The following CSE1L variants were observed in gnomAD, a reference collection of about 807,000 sequenced individuals.
CSE1L encodes the protein chromosome segregation 1 like, also known as exportin-2.
A neutral mutation model predicts 120.4 loss-of-function variants in CSE1L; 24 were observed. The ratio of observed to expected loss-of-function variants is 0.20; its 90% CI spans 0.14 to 0.28. The LOEUF is 0.28. Among genes scored for constraint, CSE1L ranks in the 10% least tolerant of loss-of-function variants. The probability of loss-of-function intolerance (pLI) is 1.00; values close to 1 mark genes in which losing one functional copy is unlikely to be tolerated. For synonymous variants in CSE1L, 402 were observed against 398.3 expected (o/e 1.01, Z -0.11); for missense variants, 830 against 1,145.2 (o/e 0.72, Z 3.97).
intron 2 of CSE1L, among the ~76,000 whole-genome samples, chr20:49,060,726 A>G (rs2091845919): frequency 6.6e-6 from 1 of 152,004 alleles, no homozygotes; most frequent in East Asian, 1.9e-4. Context: ...CAGTGAGCCA[A>G]GATTGCCCAA....
rs771282629 is a variant in CSE1L at position 49,084,130 on chromosome 20, C to T, written c.1587C>T (p.Leu529=). ...HTYAAHALER[L]FTMRGPNNAT... is the part of the protein sequence containing the mutation. ...ACGCAGCTCATGCTCTTGAACGGCT[C>T]TTTACTATGCGAGGGCCTAACAATG... is the stretch of plus-strand genomic sequence containing the variant. Residue 529 remains leucine, a synonymous_variant, in exon 15 of 25, where the codon CTC becomes CTT. Transcript: ENST00000262982. The T allele has an allele frequency of 1.2e-6, 2 of 1,614,040 alleles. No individual in the cohort carries two copies. The highest frequency in any genetic ancestry group is 1.1e-5 in the South Asian group (1 of 91,076).
Position 49,065,313 on chromosome 20 carries a change from ATTTTTTTTTTTTT to A in CSE1L, c.229-864_229-852del, listed in dbSNP as rs376073464. Reference sequence around the variant, plus strand: ...AGTTTACATATGAAATGAAAAAAAAATTTTTTTTTTTTTTTTTTTTTTTTTTTGAGAGGGAGTC... The same window carrying A: ...AGTTTACATATGAAATGAAAAAAAAATTTTTTTTTTTTTTGAGAGGGAGTC... On this transcript the variant is annotated intron_variant, in intron 3 of 24. Coordinates refer to ENST00000262982, the MANE Select transcript of CSE1L (RefSeq NM_001316.4). Among the ~76,000 whole-genome samples the A allele has an allele frequency of 2.1e-3, 109 of 52,122 alleles. 1 individual carries two copies. The highest frequency in any genetic ancestry group is 6.9e-3 in the South Asian group (8 of 1,154). 34.2% of individuals were successfully genotyped at this position (52,122 alleles called of 152,430 possible). A position where few individuals can be genotyped will look rare whatever the true frequency, so the allele number is the denominator to read the frequency against.
chr20:49,078,265 A>C (rs1439515196), intron 13 of CSE1L, among the ~76,000 whole-genome samples: 3 of 152,180 alleles, frequency 2.0e-5, no homozygotes, highest in African/African-American at 7.2e-5. Context: ...CATGTTTCTA[A>C]TTCAGAATAG....
chr20:49,056,441 A>G (rs1424182774), intron 1 of CSE1L, among the ~76,000 whole-genome samples: 2 of 152,212 alleles, frequency 1.3e-5, no homozygotes, highest in African/African-American at 4.8e-5. Flanking sequence ...ACATACTATA[A>G]GATTTATCCA....
chr20:49,090,897 A>T (rs2092096092), intron 20 of CSE1L, 40 bp from the exon 21 acceptor site: 3 of 1,596,784 alleles, frequency 1.9e-6, no homozygotes, highest in Non-Finnish European at 2.6e-6. Context: ...TGCTCAGAAA[A>T]GTCCTAAATT....
intron 22 of CSE1L, among the ~76,000 whole-genome samples, chr20:49,093,564 C>CTTTTTTTTTTTTTTT (rs11477256): frequency 8.5e-6 from 1 of 117,584 alleles, no homozygotes; most frequent in East Asian, 2.5e-4. Flanking sequence ...GCTCCTCTCT[C>CTTTTTTTTTTTTTTT]TTTTTTTTTT....
Position 49,089,770 on chromosome 20 carries a change from G to T in CSE1L, c.2181+24G>T. ...TTGTGCGTCAGGTTTTGATATAACT[G>T]TAATTTTATAAAGTAGCTTGGAGAA... is the stretch of plus-strand genomic sequence containing the variant. On this transcript the variant is annotated intron_variant, in intron 19 of 24. Coordinates refer to ENST00000262982, the MANE Select transcript of CSE1L (RefSeq NM_001316.4). 3 of 1,604,806 alleles carry T rather than the reference G, an allele frequency of 1.9e-6. No homozygotes were observed. The East Asian group carries it at 6.7e-5, about 36-fold the overall frequency.
intron 1 of CSE1L, among the ~76,000 whole-genome samples, chr20:49,052,024 A>T (rs2091769877): frequency 6.6e-6 from 1 of 152,164 alleles, no homozygotes; most frequent in Non-Finnish European, 1.5e-5. Context: ...CACTTTCTTG[A>T]AGTACTTTTG....
At chr20:49,063,040 CAT>C (rs2091863770) in intron 2 of CSE1L, among the ~76,000 whole-genome samples, 160 bp from the exon 3 acceptor site, 1 of 151,588 alleles carries the variant, frequency 6.6e-6, no homozygotes, top group Admixed American at 6.6e-5. Flanking sequence ...TTTAATGTAA[CAT>C]ATATAATCCA....
Position 49,066,504 on chromosome 20 carries a change from T to G in CSE1L, c.470T>G (p.Phe157Cys), listed in dbSNP as rs778777890. The G allele has an allele frequency of 6.2e-7, 1 of 1,610,002 alleles. No homozygotes were observed. The highest frequency in any genetic ancestry group is 2.2e-5 in the East Asian group (1 of 44,842). Reference sequence around the variant, plus strand: ...GTCCTCCGTACAGCACATTCATTATTTAAAAGGTATTGATGCATAGATTCA... The same window carrying G: ...GTCCTCCGTACAGCACATTCATTATGTAAAAGGTATTGATGCATAGATTCA... ...NGVLRTAHSL[F>C]KRYRHEFKSN... The change falls in exon 5 of 25, where the codon TTT becomes TGT. Residue 157 changes from phenylalanine to cysteine, a missense_variant. Phe to Cys is a radical substitution (Grantham distance 205, BLOSUM62 -2). Transcript: ENST00000262982.
At chr20:49,076,523 T>C (rs2091969713) in intron 12 of CSE1L, among the ~76,000 whole-genome samples, 14 of 120,212 alleles carry the variant, frequency 1.2e-4, no homozygotes, top group African/African-American at 2.9e-4. Context: ...TCTCTCTCTT[T>C]TTTTTTTTTT....
At chr20:49,092,817 TAAA>T (rs887455274) in intron 22 of CSE1L, among the ~76,000 whole-genome samples, 48 of 145,958 alleles carry the variant, frequency 3.3e-4, no homozygotes, top group Non-Finnish European at 1.5e-5. Context: ...AAAGTATAAT[TAAA>T]AAAAAAAACC....
At position 49,089,601 on chromosome 20, in the gene CSE1L, C is replaced by T. The variant is rs774660448; in HGVS notation, c.2036C>T (p.Pro679Leu). 5.0e-6 allele frequency: 8 copies of T among 1,613,952 alleles called. No homozygotes were observed. The highest frequency in any genetic ancestry group is 1.1e-5 in the South Asian group (1 of 91,086). Residue 679 changes from proline to leucine, a missense_variant, in exon 19 of 25, where the codon CCG (proline) becomes CTG (leucine). Coordinates refer to ENST00000262982, the MANE Select transcript of CSE1L (RefSeq NM_001316.4). ...LLLETHKNDI[P>L]SSYMALFPHL... ...CTGGAAACACACAAAAATGACATCC[C>T]GTCTTCCTATATGGCCTTATTTCCT...
chr20:49,085,264 G>C lies in CSE1L; in HGVS notation c.1620-19G>C, dbSNP rs201232432. 8.6e-5 allele frequency: 138 copies of C among 1,600,064 alleles called. 2 individuals are homozygous for C. The African/African-American group carries it at 1.7e-3, about 20-fold the overall frequency. On this transcript the variant is annotated intron_variant, in intron 15 of 24. Coordinates refer to ENST00000262982, the MANE Select transcript of CSE1L (RefSeq NM_001316.4). The stretch of plus-strand genomic sequence containing the variant: ...GCTCAAGAGTTGGTAGTGACTGAAA[G>C]CTGTTTTTTCATCTATAGCTTTACA...
At chr20:49,073,076 A>G (rs1029485674) in intron 10 of CSE1L, among the ~76,000 whole-genome samples, 14 of 150,096 alleles carry the variant, frequency 9.3e-5, no homozygotes, top group Admixed American at 7.3e-4. Flanking sequence ...CAGTGATGCA[A>G]TCTTGGCTCA....
Position 49,096,661 on chromosome 20 carries a change from C to A in CSE1L, c.*223C>A, listed in dbSNP as rs1309449105. On this transcript the variant is annotated 3_prime_UTR_variant, in exon 25 of 25. Transcript: ENST00000262982. ...GCTTCTAGTTTGCAACTTCAAGGGACAAGTATTAATAGTTCAGTGTATGGC... is the reference window on the plus strand; with the variant it reads ...GCTTCTAGTTTGCAACTTCAAGGGAAAAGTATTAATAGTTCAGTGTATGGC... 1.7e-6 allele frequency: 1 copy of A among 579,338 alleles called. No homozygotes were observed. Among genetic ancestry groups the A allele is most frequent in the East Asian group, 2.9e-5 (1 of 34,604 alleles). 35.9% of individuals were successfully genotyped at this position (579,338 alleles called of 1,614,324 possible).
intron 2 of CSE1L, among the ~76,000 whole-genome samples, chr20:49,059,843 G>A (rs2091838088): frequency 6.6e-6 from 1 of 151,866 alleles, no homozygotes; most frequent in South Asian, 2.1e-4. Context: ...TTGCGCCACT[G>A]CACTCCAGCC....
At chr20:49,089,884 C>G in intron 19 of CSE1L, 138 bp downstream of exon 19, 1 of 746,710 alleles carries the variant, frequency 1.3e-6, no homozygotes, top group Non-Finnish European at 2.2e-6. Context: ...TTGGGAGCCT[C>G]TAGTGGGAGG....
chr20:49,061,476 AATTATT>A (rs769369504), intron 2 of CSE1L, among the ~76,000 whole-genome samples: 7 of 137,564 alleles, frequency 5.1e-5, no homozygotes, highest in Non-Finnish European at 7.8e-5. Context: ...CCGGTGGAAA[AATTATT>A]ATTATTATTT....
Sources: allele counts gnomAD v4.1 joint callset (sites outside exome capture counted in the v4.1 genomes callset), GRCh38; gene constraint gnomAD v4.1.1; transcripts MANE v1.5; gene names NCBI Gene and HGNC (gene_info 2026-07-23, HGNC 2026-07-21).